SIAH1: variants seen among roughly 807,000 people sequenced by gnomAD.
The protein encoded by SIAH1 is E3 ubiquitin-protein ligase SIAH1.
A neutral mutation model predicts 20.0 loss-of-function variants in SIAH1; 2 were observed. That is an observed-to-expected ratio of 0.10 (90% CI 0.04 to 0.31). The LOEUF (loss-of-function observed/expected upper bound fraction) is 0.31, where lower values mean the gene tolerates loss of function less well. SIAH1 is among the 10% of genes least tolerant of loss of function. SIAH1 has a pLI of 1.00. For synonymous variants in SIAH1, 118 were observed against 125.3 expected, an observed-to-expected ratio of 0.94 and a Z score of 0.39; for missense variants, 119 against 355.3, an observed-to-expected ratio of 0.33 and a Z score of 5.35.
intron 1 of SIAH1, among the ~76,000 whole-genome samples, chr16:48,382,560 G>A (rs989864896): frequency 2.6e-5 from 4 of 152,076 alleles, no homozygotes; most frequent in African/African-American, 9.7e-5. Context: ...ATCATTTAAA[G>A]TGCATTAGAC....
upstream of SIAH1, chr16:48,387,209 T>G (rs1961484114): frequency 6.6e-6 from 1 of 152,212 alleles, no homozygotes; most frequent in Non-Finnish European, 1.5e-5. Flanking sequence ...TTTTCTTGGC[T>G]TAGTTTGTGC....
chr16:48,375,867 G>C (rs1489514888), intron 1 of SIAH1, among the ~76,000 whole-genome samples: 1 of 152,196 alleles, frequency 6.6e-6, no homozygotes, highest in East Asian at 1.9e-4. Context: ...TTAAGATGCA[G>C]GATCAGACAA....
upstream of SIAH1, among the ~76,000 whole-genome samples, chr16:48,386,158 G>A (rs1961459738): frequency 6.6e-6 from 1 of 152,196 alleles, no homozygotes; most frequent in South Asian, 2.1e-4. Flanking sequence ...ATGAGCAGAA[G>A]CAAGCATCTG....
At chr16:48,367,053 G>C (rs991242824) in intron 1 of SIAH1, among the ~76,000 whole-genome samples, 4 of 152,012 alleles carry the variant, frequency 2.6e-5, no homozygotes, top group African/African-American at 4.8e-5. Context: ...ACCACAGGCT[G>C]GCACCACCAC....
chr16:48,361,431 T>A lies in SIAH1; in HGVS notation c.*149A>T. The A allele has an allele frequency of 2.9e-6, 2 of 699,304 alleles. No homozygotes were observed. The highest frequency in any genetic ancestry group is 5.4e-5 in the East Asian group (2 of 37,324). 43.3% of individuals were successfully genotyped at this position (699,304 alleles called of 1,614,324 possible). Reference sequence around the variant, plus strand: ...ATTAGTGTTACTACATGCAACTGTTTCCTGTATTTAACAGCCTTTCTTTTT... The same window carrying A: ...ATTAGTGTTACTACATGCAACTGTTACCTGTATTTAACAGCCTTTCTTTTT... On this transcript the variant is annotated 3_prime_UTR_variant, in exon 2 of 2. Coordinates refer to ENST00000394725, the MANE Select transcript of SIAH1 (RefSeq NM_003031.4).
intron 1 of SIAH1, among the ~76,000 whole-genome samples, chr16:48,374,486 T>C (rs1182352188): frequency 6.6e-6 from 1 of 152,208 alleles, no homozygotes; most frequent in Non-Finnish European, 1.5e-5. Flanking sequence ...GATATGTTCT[T>C]AGGAAGCTCC....
intron 1 of SIAH1, chr16:48,365,374 T>C (rs1350021096): frequency 6.2e-7 from 1 of 1,613,744 alleles, no homozygotes; most frequent in Non-Finnish European, 8.5e-7. Flanking sequence ...AACCATCCTC[T>C]TAATGTCAAT....
At position 48,385,263 on chromosome 16, in the gene SIAH1, C is replaced by T. The variant is rs748481618; in HGVS notation, c.-62G>A. 12 of 317,260 alleles carry T rather than the reference C, an allele frequency of 3.8e-5. No homozygotes were observed. Among genetic ancestry groups the T allele is most frequent in the Non-Finnish European group, 7.4e-5 (11 of 149,434 alleles). The allele number at this position is 317,260 out of a possible 1,614,324, so 19.7% of individuals were successfully genotyped here. A position where few individuals can be genotyped will look rare whatever the true frequency, so the allele number is the denominator to read the frequency against. ...TGGCACCAACGCGCTCCGTCGCCAA[C>T]CCCCGCCACCGCGGGCAGCGCCACC... On this transcript the variant is annotated 5_prime_UTR_variant, in exon 1 of 2. Transcript: ENST00000394725.
chr16:48,373,705 A>C (rs1408652999), intron 1 of SIAH1, among the ~76,000 whole-genome samples: 1 of 152,102 alleles, frequency 6.6e-6, no homozygotes, highest in East Asian at 1.9e-4. Flanking sequence ...GCTCCGTTTT[A>C]TATCAGATGA....
At chr16:48,374,123 G>A (rs1429064741) in intron 1 of SIAH1, among the ~76,000 whole-genome samples, 1 of 152,138 alleles carries the variant, frequency 6.6e-6, no homozygotes, top group Non-Finnish European at 1.5e-5. Flanking sequence ...AGCAAAGAAT[G>A]TATTATCTTC....
At chr16:48,365,820 C>T (rs1374469882) in intron 1 of SIAH1, 2 of 1,250,846 alleles carry the variant, frequency 1.6e-6, no homozygotes, top group Non-Finnish European at 2.0e-6. Flanking sequence ...GTGGAGGCCA[C>T]GGATGCAGGG....
chr16:48,378,545 A>G (rs916024372), intron 1 of SIAH1, among the ~76,000 whole-genome samples: 9 of 152,190 alleles, frequency 5.9e-5, no homozygotes, highest in Admixed American at 2.6e-4. Flanking sequence ...GAAAATGTCA[A>G]GCTGTACACA....
At position 48,361,451 on chromosome 16, in the gene SIAH1, CTTTT is replaced by C. The variant is rs1469106637; in HGVS notation, c.*125_*128del. 3 of 844,780 alleles carry C rather than the reference CTTTT, an allele frequency of 3.6e-6. No individual in the cohort carries two copies. The highest frequency in any genetic ancestry group is 5.6e-6 in the Non-Finnish European group (3 of 533,630). 52.3% of individuals were successfully genotyped at this position (844,780 alleles called of 1,614,324 possible). The stretch of plus-strand genomic sequence containing the variant: ...CTGTTTCCTGTATTTAACAGCCTTT[CTTTT>C]TATTTACCTTCATGTGTCTAGCTTC... On this transcript the variant is annotated 3_prime_UTR_variant, in exon 2 of 2. Transcript: ENST00000394725.
intron 1 of SIAH1, chr16:48,365,952 C>A (rs934205610): frequency 1.1e-5 from 13 of 1,178,270 alleles, no homozygotes; most frequent in Middle Eastern, 3.4e-4. Context: ...GTTGGGAACG[C>A]CTACTCCAAC....
At chr16:48,379,820 T>G (rs1055877698) in intron 1 of SIAH1, among the ~76,000 whole-genome samples, 55 of 152,162 alleles carry the variant, frequency 3.6e-4, no homozygotes, top group Admixed American at 3.3e-3. Flanking sequence ...ATAAGAGAGC[T>G]TAATAGGATG....
rs565167089 is a variant in SIAH1, at chr16:48,369,784, G to GT, written c.-2-7355dup. 2.7e-3 allele frequency among the ~76,000 whole-genome samples: 410 copies of GT among 152,330 alleles called. 3 individuals carry two copies. The highest frequency in any genetic ancestry group is 3.3e-3 in the South Asian group (16 of 4,834). On this transcript the variant is annotated intron_variant, in intron 1 of 1. Coordinates refer to ENST00000394725, the MANE Select transcript of SIAH1 (RefSeq NM_003031.4). ...ATGCAAGCCCTTCAACATGCCAATA[G>GT]TAAAACTTTCCCTTTCCCACTAGGC...
intron 1 of SIAH1, among the ~76,000 whole-genome samples, chr16:48,369,805 T>G (rs1960937169): frequency 6.6e-6 from 1 of 152,200 alleles, no homozygotes; most frequent in African/African-American, 2.4e-5. Context: ...CCTTTCCCAC[T>G]AGGCACAATA....
intron 1 of SIAH1, among the ~76,000 whole-genome samples, chr16:48,368,205 G>A (rs1019703577): frequency 4.6e-5 from 7 of 152,190 alleles, no homozygotes; most frequent in African/African-American, 1.7e-4. Flanking sequence ...GAGGGACGGG[G>A]TGAGAAACCA....
intron 1 of SIAH1, chr16:48,363,923 C>T (rs932133963): frequency 6.3e-6 from 1 of 159,038 alleles, no homozygotes; most frequent in Non-Finnish European, 1.5e-5. Flanking sequence ...CTCCTAGTAA[C>T]TCTACTAAGC....
Sources: gnomAD v4.1 joint callset for allele counts (sites outside exome capture counted in the v4.1 genomes callset) on GRCh38, gnomAD v4.1.1 for gene constraint, MANE v1.5 for transcripts, NCBI Gene and HGNC (gene_info 2026-07-23, HGNC 2026-07-21) for gene names.